IFT25: variants seen among roughly 807,000 people sequenced by gnomAD.
IFT25 encodes the protein intraflagellar transport protein 25 homolog.
the IFT25 span, among the ~76,000 whole-genome samples, chr1:53,925,721 T>C: frequency 6.7e-6 from 1 of 149,964 alleles, no homozygotes; most frequent in Non-Finnish European, 1.5e-5. Context: ...GGAGAGAACA[T>C]AAAAAAACTC....
chr1:53,939,947 A>C, the IFT25 span: 1 of 1,196,898 alleles, frequency 8.4e-7, no homozygotes, highest in Admixed American at 1.7e-5. Context: ...GGATTCACCG[A>C]TTTAAGACTG....
chr1:53,927,091 C>T, the IFT25 span, among the ~76,000 whole-genome samples: 1,358 of 152,292 alleles, frequency 8.9e-3, 22 homozygotes, highest in African/African-American at 0.03. Flanking sequence ...CTATCCTCTA[C>T]ATTTCTTATA....
the IFT25 span, among the ~76,000 whole-genome samples, chr1:53,921,335 A>G: frequency 2.0e-5 from 3 of 152,190 alleles, no homozygotes; most frequent in Non-Finnish European, 4.4e-5. Context: ...TCAATCAATC[A>G]ATTAAAAAAT....
the IFT25 span, among the ~76,000 whole-genome samples, chr1:53,937,202 C>G: frequency 6.6e-6 from 1 of 152,298 alleles, no homozygotes; most frequent in South Asian, 2.1e-4. Context: ...ACTGAACTTC[C>G]ACCTCCTGGG....
the IFT25 span, among the ~76,000 whole-genome samples, chr1:53,943,526 C>T: frequency 1.3e-5 from 2 of 152,088 alleles, no homozygotes; most frequent in Admixed American, 1.3e-4. Flanking sequence ...AGCACATCCT[C>T]AAGTAATTAT....
chr1:53,932,035 A>G, the IFT25 span, among the ~76,000 whole-genome samples: 1 of 152,054 alleles, frequency 6.6e-6, no homozygotes, highest in African/African-American at 2.4e-5. Flanking sequence ...GGTATGTTAC[A>G]TTTTCAACGT....
the IFT25 span, among the ~76,000 whole-genome samples, chr1:53,944,076 T>A: frequency 1.3e-5 from 2 of 152,212 alleles, no homozygotes; most frequent in Non-Finnish European, 2.9e-5. Context: ...CAAAACTCAT[T>A]TCACACCTTC....
the IFT25 span, among the ~76,000 whole-genome samples, chr1:53,913,351 G>A: frequency 2.6e-4 from 39 of 152,248 alleles, no homozygotes; most frequent in Admixed American, 3.3e-4. Flanking sequence ...TCCTGAGAGC[G>A]CTCCCTCAAT....
the IFT25 span, among the ~76,000 whole-genome samples, chr1:53,942,527 C>T: frequency 6.6e-6 from 1 of 152,058 alleles, no homozygotes; most frequent in South Asian, 2.1e-4. Context: ...GACCATAAGG[C>T]CCATAAAACC....
chr1:53,923,761 G>T, the IFT25 span: 1 of 615,726 alleles, frequency 1.6e-6, no homozygotes, highest in Non-Finnish European at 2.9e-6. Context: ...TATTATTATT[G>T]AGAATAACTT....
chr1:53,928,629 T>A, the IFT25 span: 1 of 534,686 alleles, frequency 1.9e-6, no homozygotes, highest in Non-Finnish European at 3.3e-6. Context: ...CTTGTGTAAC[T>A]AATCTTCCAA....
chr1:53,944,152 A>C, the IFT25 span, among the ~76,000 whole-genome samples: 1 of 152,212 alleles, frequency 6.6e-6, no homozygotes, highest in Non-Finnish European at 1.5e-5. Flanking sequence ...AACGGCAGAG[A>C]CTTGGTTTTC....
At chr1:53,933,039 A>G in the IFT25 span, among the ~76,000 whole-genome samples, 1 of 151,398 alleles carries the variant, frequency 6.6e-6, no homozygotes, top group Admixed American at 6.6e-5. Context: ...GAATTTGTCT[A>G]TTTCTCCCTT....
At chr1:53,924,729 C>A in the IFT25 span, among the ~76,000 whole-genome samples, 28 of 152,138 alleles carry the variant, frequency 1.8e-4, no homozygotes, top group East Asian at 5.2e-3. Flanking sequence ...CCCAGCTACT[C>A]GGGAGGCTGA....
chr1:53,943,916 C>T, the IFT25 span, among the ~76,000 whole-genome samples: 1 of 152,140 alleles, frequency 6.6e-6, no homozygotes. Context: ...GTCACTGTGT[C>T]CGGCGGATAA....
At chr1:53,932,865 C>A in the IFT25 span, among the ~76,000 whole-genome samples, 1 of 151,914 alleles carries the variant, frequency 6.6e-6, no homozygotes, top group Non-Finnish European at 1.5e-5. Flanking sequence ...CATACACAAC[C>A]CATCAATACA....
chr1:53,928,277 CT>C, the IFT25 span: 3 of 1,009,780 alleles, frequency 3.0e-6, no homozygotes, highest in South Asian at 1.4e-5. Flanking sequence ...TTAAAGTCAT[CT>C]TTTTTCACCA....
the IFT25 span, chr1:53,923,632 A>G: frequency 5.9e-6 from 2 of 339,232 alleles, no homozygotes; most frequent in African/African-American, 4.3e-5. Flanking sequence ...AGCAAACCAA[A>G]TAAATACTTC....
the IFT25 span, among the ~76,000 whole-genome samples, chr1:53,927,071 A>G: frequency 6.6e-6 from 1 of 152,236 alleles, no homozygotes; most frequent in African/African-American, 2.4e-5. Flanking sequence ...GTTTCACTTA[A>G]TTTGTTCCTC....
Sources: gnomAD v4.1 joint callset for allele counts (sites outside exome capture counted in the v4.1 genomes callset) on GRCh38, gnomAD v4.1.1 for gene constraint, MANE v1.5 for transcripts, NCBI Gene and HGNC (gene_info 2026-07-23, HGNC 2026-07-21) for gene names.